The following CNTN3 variants were observed in gnomAD, a reference collection of about 807,000 sequenced individuals.
The protein encoded by CNTN3 is contactin-3.
In CNTN3, 60 loss-of-function variants were observed where a neutral mutation model predicts 119.1. The ratio of observed to expected loss-of-function variants is 0.50; its 90% CI spans 0.41 to 0.62. CNTN3 has a LOEUF of 0.62. CNTN3 is among the 20% of genes least tolerant of loss of function. The probability of loss-of-function intolerance (pLI) is 0.00; values close to 1 mark genes in which losing one functional copy is unlikely to be tolerated. For missense variants in CNTN3, 1,101 were observed against 1,242.4 expected (o/e 0.89, Z 1.71); for synonymous variants, 450 against 438.7 (o/e 1.03, Z -0.32).
At chr3:74,404,867 G>C (rs900967964) in intron 5 of CNTN3, among the ~76,000 whole-genome samples, 1 of 151,950 alleles carries the variant, frequency 6.6e-6, no homozygotes, top group African/African-American at 2.4e-5. Flanking sequence ...TGTCCTTCAA[G>C]AGCACCAGTG....
At chr3:74,298,434 C>G (rs1014447094) in intron 17 of CNTN3, among the ~76,000 whole-genome samples, 1 of 152,120 alleles carries the variant, frequency 6.6e-6, no homozygotes, top group Non-Finnish European at 1.5e-5. Context: ...TGTGATTATT[C>G]AGTTAGCTGA....
At chr3:74,527,064 G>GTA (rs1278289193) in intron 1 of CNTN3, among the ~76,000 whole-genome samples, 1 of 151,668 alleles carries the variant, frequency 6.6e-6, no homozygotes, top group African/African-American at 2.4e-5. Context: ...GGAATCATAT[G>GTA]TATATATGTG....
intron 1 of CNTN3, among the ~76,000 whole-genome samples, chr3:74,546,838 G>A (rs1703922589): frequency 6.6e-6 from 1 of 152,148 alleles, no homozygotes; most frequent in Non-Finnish European, 1.5e-5. Flanking sequence ...TCTATCCTAT[G>A]AGTTGTGTCC....
chr3:74,506,966 G>A (rs953038240), intron 2 of CNTN3, among the ~76,000 whole-genome samples: 3 of 152,070 alleles, frequency 2.0e-5, no homozygotes, highest in Admixed American at 6.6e-5. Context: ...TTAACAAAGG[G>A]TTCAGGTCAA....
intron 4 of CNTN3, among the ~76,000 whole-genome samples, chr3:74,460,835 T>C (rs1702353857): frequency 7.5e-6 from 1 of 133,178 alleles, no homozygotes; most frequent in Non-Finnish European, 1.6e-5. Flanking sequence ...CATTTCTTTC[T>C]TTTTTTTTTG....
intron 1 of CNTN3, among the ~76,000 whole-genome samples, chr3:74,554,513 G>A (rs1044411041): frequency 6.6e-6 from 1 of 152,134 alleles, no homozygotes; most frequent in African/African-American, 2.4e-5. Context: ...TGGGCAGTAT[G>A]GCCATTTTCA....
intron 20 of CNTN3, among the ~76,000 whole-genome samples, chr3:74,274,433 C>T (rs1701841317): frequency 6.6e-6 from 1 of 152,180 alleles, no homozygotes; most frequent in South Asian, 2.1e-4. Flanking sequence ...GGAACAGGTG[C>T]TGGTATCCAT....
rs150608060 is a variant in CNTN3 at position 74,457,735 on chromosome 3, C to T, written c.358+28721G>A. On this transcript the variant is annotated intron_variant, in intron 4 of 22. Coordinates refer to ENST00000263665, the MANE Select transcript of CNTN3 (RefSeq NM_020872.3). Reference sequence around the variant, plus strand: ...TATAAAATCCATTAAATTTTTAACACCTTTCCTTAAGAAAAAAAATGTTGC... The same window carrying T: ...TATAAAATCCATTAAATTTTTAACATCTTTCCTTAAGAAAAAAAATGTTGC... Among the ~76,000 whole-genome samples the T allele has an allele frequency of 2.3e-4, 35 of 152,004 alleles. No homozygotes were observed. The East Asian group carries it at 6.4e-3, about 28-fold the overall frequency.
chr3:74,455,027 T>G (rs4061034), intron 4 of CNTN3, among the ~76,000 whole-genome samples: 108,531 of 151,850 alleles, frequency 0.71, 39,146 homozygotes, highest in African/African-American at 0.8. Context: ...CGTGTTCTCT[T>G]TATTTCCTGA....
At chr3:74,556,855 C>T (rs888983150) in intron 1 of CNTN3, among the ~76,000 whole-genome samples, 2 of 152,140 alleles carry the variant, frequency 1.3e-5, no homozygotes, top group African/African-American at 4.8e-5. Flanking sequence ...AAATATATTT[C>T]ACTTTGGCTT....
intron 13 of CNTN3, among the ~76,000 whole-genome samples, chr3:74,317,441 T>C (rs1480710985): frequency 1.3e-5 from 2 of 152,224 alleles, no homozygotes; most frequent in South Asian, 2.1e-4. Context: ...CCTGATGGTC[T>C]TTACATTTTA....
At chr3:74,321,725 C>G (rs770968787) in intron 13 of CNTN3, among the ~76,000 whole-genome samples, 25 of 151,960 alleles carry the variant, frequency 1.6e-4, no homozygotes, top group Non-Finnish European at 3.1e-4. Context: ...ATTACAGACC[C>G]TATGTATATT....
Position 74,403,989 on chromosome 3 carries a change from AC to A in CNTN3, c.454+20855del, listed in dbSNP as rs1368811095. 3.3e-5 allele frequency among the ~76,000 whole-genome samples: 5 copies of A among 151,484 alleles called. No individual in the cohort carries two copies. The East Asian group carries it at 9.7e-4, about 29-fold the overall frequency. On this transcript the variant is annotated intron_variant, in intron 5 of 22. Coordinates refer to ENST00000263665, the MANE Select transcript of CNTN3 (RefSeq NM_020872.3). Reference sequence around the variant, plus strand: ...TCTTCCTTCTTCCCAAACTCGTAATACTTTCATCTATTCTGCTCTTACAAGA... The same window carrying A: ...TCTTCCTTCTTCCCAAACTCGTAATATTTCATCTATTCTGCTCTTACAAGA...
chr3:74,350,530 A>C (rs1703788943), intron 11 of CNTN3, among the ~76,000 whole-genome samples: 1 of 152,212 alleles, frequency 6.6e-6, no homozygotes, highest in South Asian at 2.1e-4. Context: ...CAAAGAACTA[A>C]GAACATAACT....
intron 13 of CNTN3, among the ~76,000 whole-genome samples, chr3:74,313,156 G>T (rs928318564): frequency 1.3e-5 from 2 of 151,438 alleles, no homozygotes; most frequent in Non-Finnish European, 1.5e-5. Flanking sequence ...GAAAAAAACA[G>T]AACAGAATAT....
At chr3:74,549,952 G>A (rs542549249) in intron 1 of CNTN3, among the ~76,000 whole-genome samples, 1 of 152,326 alleles carries the variant, frequency 6.6e-6, no homozygotes, top group Admixed American at 6.5e-5. Flanking sequence ...AGCTCCTAGA[G>A]TGCTGAGTAG....
In CNTN3 at chr3:74,403,929, A is replaced by T. The variant is rs1471939953; in HGVS notation, c.454+20916T>A. Reference sequence around the variant, plus strand: ...GAATCAGGAAACCCCTTATCTTGTAAAACAATTTTCTACTCGCCCCCCTCC... The same window carrying T: ...GAATCAGGAAACCCCTTATCTTGTATAACAATTTTCTACTCGCCCCCCTCC... On this transcript the variant is annotated intron_variant, in intron 5 of 22. Transcript: ENST00000263665. Among the ~76,000 whole-genome samples the T allele has an allele frequency of 2.6e-5, 4 of 151,828 alleles. No individual in the cohort carries two copies. The South Asian group carries it at 6.3e-4, about 24-fold the overall frequency.
Position 74,500,726 on chromosome 3 carries a change from A to G in CNTN3, c.56-941T>C, listed in dbSNP as rs988049784. ...TTCGAATAGCAGTTTACATTAATAA[A>G]AATATTTATCATAAGTGTAACAACA... On this transcript the variant is annotated intron_variant, in intron 2 of 22. Coordinates refer to ENST00000263665, the MANE Select transcript of CNTN3 (RefSeq NM_020872.3). Among the ~76,000 whole-genome samples the G allele has an allele frequency of 5.9e-5, 9 of 152,226 alleles. No individual in the cohort carries two copies. The East Asian group carries it at 7.7e-4, about 13-fold the overall frequency.
intron 20 of CNTN3, among the ~76,000 whole-genome samples, chr3:74,281,420 G>A (rs1053890516): frequency 1.3e-5 from 2 of 151,982 alleles, no homozygotes; most frequent in Non-Finnish European, 2.9e-5. Context: ...AGCTCTGATC[G>A]ATCTCCTAGG....
Sources: gnomAD v4.1 joint callset for allele counts (sites outside exome capture counted in the v4.1 genomes callset) on GRCh38, gnomAD v4.1.1 for gene constraint, MANE v1.5 for transcripts, NCBI Gene and HGNC (gene_info 2026-07-23, HGNC 2026-07-21) for gene names.